The following RARRES1 variants were observed in gnomAD, a reference collection of about 807,000 sequenced individuals.
RARRES1 encodes the protein retinoic acid receptor responder 1.
Under a neutral mutation model 30.6 loss-of-function variants are expected in RARRES1, and 34 were observed. The ratio of observed to expected loss-of-function variants is 1.11; its 90% confidence interval spans 0.84 to 1.48. The LOEUF is 1.48. Ranked by LOEUF, RARRES1 falls within the 40% of genes most tolerant of loss-of-function variation. RARRES1 has a pLI of 0.00. For missense variants in RARRES1, 373 were observed against 386.5 expected (o/e 0.97, Z 0.29); for synonymous variants, 153 against 155.5 (o/e 0.98, Z 0.12).
chr3:158,704,890 G>A lies in RARRES1; in HGVS notation c.573C>T (p.Ile191=), dbSNP rs1726864115. ...AGCTTCCAAGGAAAGCCAAATCCCA[G>A]ATGAGTCTCAGAGAGGGATCAATAT... ...HGHIDPSLRL[I]WDLAFLGSSY... is the part of the protein sequence containing the mutation. Residue 191 remains isoleucine, a synonymous_variant, in exon 4 of 6, where the codon ATC becomes ATT. Transcript: ENST00000237696. 3.1e-6 allele frequency: 5 copies of A among 1,613,704 alleles called. No individual in the cohort carries two copies. In the South Asian group the frequency reaches 5.5e-5, roughly 18 times the overall value.
chr3:158,711,815 C>T (rs1278130407), intron 2 of RARRES1, among the ~76,000 whole-genome samples: 3 of 152,012 alleles, frequency 2.0e-5, no homozygotes, highest in African/African-American at 7.3e-5. Flanking sequence ...AGACTGGTCT[C>T]GACCTCCTGA....
chr3:158,702,231 G>A (rs146472082), intron 4 of RARRES1, among the ~76,000 whole-genome samples: 1,665 of 152,128 alleles, frequency 0.011, 9 homozygotes, highest in Non-Finnish European at 0.017. Flanking sequence ...GTAGAGACAG[G>A]GTTTCACAGT....
chr3:158,709,270 T>C (rs17642880), intron 3 of RARRES1, among the ~76,000 whole-genome samples: 9,206 of 152,292 alleles, frequency 0.06, 364 homozygotes, highest in Middle Eastern at 0.11. Flanking sequence ...CGTGACCCTG[T>C]GGCAAATATT....
intron 3 of RARRES1, among the ~76,000 whole-genome samples, chr3:158,707,459 A>G (rs1054624276): frequency 1.2e-4 from 19 of 152,192 alleles, no homozygotes; most frequent in African/African-American, 4.3e-4. Context: ...GGTGGGAAGG[A>G]TACTGATGGG....
chr3:158,706,233 G>A (rs1726919226), intron 3 of RARRES1, among the ~76,000 whole-genome samples: 1 of 152,174 alleles, frequency 6.6e-6, no homozygotes, highest in Non-Finnish European at 1.5e-5. Flanking sequence ...TTGACATGGT[G>A]GGGTTATAGT....
At chr3:158,732,100 A>T in intron 1 of RARRES1, 40 bp downstream of exon 1, 1 of 1,303,854 alleles carries the variant, frequency 7.7e-7, no homozygotes, top group Non-Finnish European at 9.7e-7. Flanking sequence ...CCGTGCGCGG[A>T]CAGGCAGGCG....
At chr3:158,725,297 A>G (rs1365858517) in intron 1 of RARRES1, among the ~76,000 whole-genome samples, 3 of 152,210 alleles carry the variant, frequency 2.0e-5, no homozygotes, top group Non-Finnish European at 4.4e-5. Context: ...CCGAGGTCAC[A>G]TAAGTGTCAT....
chr3:158,732,219 G>C lies in RARRES1; in HGVS notation c.197C>G (p.Ala66Gly). 7.1e-7 allele frequency: 1 copy of C among 1,404,924 alleles called. No homozygotes were observed. Among genetic ancestry groups the C allele is most frequent in the Non-Finnish European group, 9.2e-7 (1 of 1,086,282 alleles). 87.0% of individuals were successfully genotyped at this position (1,404,924 alleles called of 1,614,324 possible). A position where few individuals can be genotyped will look rare whatever the true frequency, so the allele number is the denominator to read the frequency against. Residue 66 changes from alanine (A) to glycine (G), a missense_variant, in exon 1 of 6, where the codon GCG becomes GGG. Ala to Gly is a moderately conservative substitution (Grantham distance 60). Transcript: ENST00000237696. Reference protein sequence around the residue: ...RRLLQQAARAALHFFNFRSGS... With the variant: ...RRLLQQAARAGLHFFNFRSGS... ...GGACCGGAAGTTGAAGAAGTGAAGCGCCGCGCGCGCCGCCTGCTGCAGGAG... is the reference window on the plus strand; with the variant it reads ...GGACCGGAAGTTGAAGAAGTGAAGCCCCGCGCGCGCCGCCTGCTGCAGGAG...
chr3:158,717,404 T>A (rs1727355061), intron 1 of RARRES1, among the ~76,000 whole-genome samples: 1 of 152,178 alleles, frequency 6.6e-6, no homozygotes, highest in South Asian at 2.1e-4. Context: ...AGAGAATTGG[T>A]CTAGTCTAGG....
intron 4 of RARRES1, among the ~76,000 whole-genome samples, chr3:158,701,400 T>C (rs1726719149): frequency 6.6e-6 from 1 of 152,132 alleles, no homozygotes; most frequent in South Asian, 2.1e-4. Flanking sequence ...CCTTGTTCAT[T>C]TGGGGCTGTG....
At chr3:158,707,104 C>G (rs895913144) in intron 3 of RARRES1, among the ~76,000 whole-genome samples, 1 of 152,082 alleles carries the variant, frequency 6.6e-6, no homozygotes, top group African/African-American at 2.4e-5. Flanking sequence ...AGGAGACAGA[C>G]GTTGCAGTGA....
intron 1 of RARRES1, among the ~76,000 whole-genome samples, chr3:158,727,738 G>A (rs1727737262): frequency 5.3e-5 from 8 of 152,170 alleles, no homozygotes; most frequent in Admixed American, 5.2e-4. Flanking sequence ...AAAAGTAAAA[G>A]CCTCATTGGT....
Position 158,704,937 on chromosome 3 carries a change from A to C in RARRES1, c.536-10T>G. The C allele has an allele frequency of 6.3e-7, 1 of 1,596,362 alleles. No individual in the cohort carries two copies. Among genetic ancestry groups the C allele is most frequent in the Non-Finnish European group, 8.5e-7 (1 of 1,175,498 alleles). On this transcript the variant is annotated splice_polypyrimidine_tract_variant and intron_variant, in intron 3 of 5. Coordinates refer to ENST00000237696, the MANE Select transcript of RARRES1 (RefSeq NM_206963.2). ...ATATGTCCATGATTATCTGAGAGAGACAAAAAAAGCACATTTGTATTAATG... is the reference window on the plus strand; with the variant it reads ...ATATGTCCATGATTATCTGAGAGAGCCAAAAAAAGCACATTTGTATTAATG...
In RARRES1 at chr3:158,713,845, C is replaced by T; in HGVS notation, c.291G>A (p.Glu97=). ...TGAAGACCACGTGAACTTTACATCC[C>T]TCTTTTGGATTAATCTGGAACACAG... ...QEGRAWINPK[E]GCKVHVVFST... The change falls in exon 2 of 6, where the codon GAG becomes GAA. Residue 97 remains glutamate (E), a synonymous_variant. Transcript: ENST00000237696. The T allele has an allele frequency of 6.2e-7, 1 of 1,613,986 alleles. No individual in the cohort carries two copies. Among genetic ancestry groups the T allele is most frequent in the Non-Finnish European group, 8.5e-7 (1 of 1,179,870 alleles).
At chr3:158,728,527 T>G (rs1026280401) in intron 1 of RARRES1, among the ~76,000 whole-genome samples, 2 of 148,268 alleles carry the variant, frequency 1.3e-5, no homozygotes, top group South Asian at 2.1e-4. Flanking sequence ...TTTTTTTTTT[T>G]TTTTTTTGGT....
At chr3:158,709,191 C>T (rs945238171) in intron 3 of RARRES1, among the ~76,000 whole-genome samples, 9 of 152,148 alleles carry the variant, frequency 5.9e-5, no homozygotes, top group Admixed American at 2.0e-4. Context: ...AGAATGGTCC[C>T]TATGGATATA....
chr3:158,710,594 T>A, intron 3 of RARRES1, 144 bp downstream of exon 3: 1 of 744,470 alleles, frequency 1.3e-6, no homozygotes, highest in Non-Finnish European at 2.1e-6. Flanking sequence ...TACCTCTGAG[T>A]TTTGTTTAAA....
At chr3:158,716,082 C>T (rs1034730700) in intron 1 of RARRES1, among the ~76,000 whole-genome samples, 2 of 152,222 alleles carry the variant, frequency 1.3e-5, no homozygotes, top group African/African-American at 4.8e-5. Flanking sequence ...TTCCTGGGTA[C>T]AGCCTCCTGC....
chr3:158,722,359 G>A (rs939130486), intron 1 of RARRES1, among the ~76,000 whole-genome samples: 10 of 152,144 alleles, frequency 6.6e-5, no homozygotes, highest in Non-Finnish European at 1.3e-4. Flanking sequence ...CTTCCAGTAG[G>A]TGTCTGCACT....
Sources: allele counts gnomAD v4.1 joint callset (sites outside exome capture counted in the v4.1 genomes callset), GRCh38; gene constraint gnomAD v4.1.1; transcripts MANE v1.5; gene names NCBI Gene and HGNC (gene_info 2026-07-23, HGNC 2026-07-21).